The following PTN variants were observed in gnomAD, a reference collection of about 807,000 sequenced individuals.
PTN encodes pleiotrophin, also known as heparin affin regulatory protein.
A neutral mutation model predicts 24.1 loss-of-function variants in PTN; 18 were observed. The ratio of observed to expected loss-of-function variants is 0.75; its 90% CI spans 0.52 to 1.11. The LOEUF (loss-of-function observed/expected upper bound fraction) is 1.11, where lower values mean the gene tolerates loss of function less well. Ranked by LOEUF, PTN falls within the 50% of genes least tolerant of loss-of-function variation. PTN has a pLI of 0.00. For missense variants in PTN, 163 were observed against 198.8 expected (o/e 0.82, Z 1.08); for synonymous variants, 78 against 68.6 (o/e 1.14, Z -0.67).
chr7:137,307,698 T>G (rs938975623), intron 1 of PTN, among the ~76,000 whole-genome samples: 1 of 152,128 alleles, frequency 6.6e-6, no homozygotes, highest in African/African-American at 2.4e-5. Context: ...GTTTTCCGTA[T>G]GTAATATGGC....
chr7:137,317,734 A>G (rs1324204330), intron 1 of PTN, among the ~76,000 whole-genome samples: 1 of 152,170 alleles, frequency 6.6e-6, no homozygotes, highest in African/African-American at 2.4e-5. Context: ...ACAATACTGC[A>G]TTGTAGAGAA....
intron 1 of PTN, among the ~76,000 whole-genome samples, chr7:137,273,898 T>C (rs1809316641): frequency 6.6e-6 from 1 of 152,150 alleles, no homozygotes; most frequent in Admixed American, 6.5e-5. Flanking sequence ...GTGGTTATTG[T>C]CCTGGTTTGT....
At chr7:137,229,214 T>C (rs1210616856) in intron 4 of PTN, among the ~76,000 whole-genome samples, 1 of 151,796 alleles carries the variant, frequency 6.6e-6, no homozygotes, top group Non-Finnish European at 1.5e-5. Context: ...AGGGTGATAA[T>C]AGAGCAAGAA....
At chr7:137,342,030 T>G (rs1810542470) in intron 1 of PTN, among the ~76,000 whole-genome samples, 1 of 152,226 alleles carries the variant, frequency 6.6e-6, no homozygotes, top group South Asian at 2.1e-4. Context: ...GTGCATAATT[T>G]ACTTAAAAGG....
At chr7:137,243,138 T>C (rs1808661332) in intron 4 of PTN, among the ~76,000 whole-genome samples, 1 of 152,162 alleles carries the variant, frequency 6.6e-6, no homozygotes, top group Non-Finnish European at 1.5e-5. Context: ...GGTTTCACCA[T>C]GTTGGCCAGG....
chr7:137,266,458 T>C (rs2128873541), intron 1 of PTN, among the ~76,000 whole-genome samples: 1 of 152,148 alleles, frequency 6.6e-6, no homozygotes, highest in East Asian at 1.9e-4. Context: ...ATTTTTTGCA[T>C]AAATTTTTTT....
intron 1 of PTN, among the ~76,000 whole-genome samples, chr7:137,327,273 T>G (rs565701771): frequency 1.3e-5 from 2 of 152,326 alleles, no homozygotes; most frequent in South Asian, 4.1e-4. Flanking sequence ...CCTTCAGTGA[T>G]TCCTTACAAT....
chr7:137,243,450 T>C (rs907406329), intron 4 of PTN, among the ~76,000 whole-genome samples: 1 of 152,184 alleles, frequency 6.6e-6, no homozygotes, highest in South Asian at 2.1e-4. Flanking sequence ...CAATGCATCA[T>C]CTAGCCCCAC....
intron 4 of PTN, among the ~76,000 whole-genome samples, chr7:137,244,087 A>G (rs183088090): frequency 1.5e-4 from 23 of 152,262 alleles, no homozygotes; most frequent in African/African-American, 4.8e-4. Context: ...TAATTAATCT[A>G]TATTAATTAA....
intron 4 of PTN, among the ~76,000 whole-genome samples, chr7:137,238,807 T>C (rs1208584647): frequency 2.0e-5 from 3 of 152,180 alleles, no homozygotes; most frequent in Non-Finnish European, 4.4e-5. Flanking sequence ...GTATAATGCC[T>C]GTCATATCAT....
chr7:137,300,608 G>A (rs985105447), intron 1 of PTN, among the ~76,000 whole-genome samples: 2 of 151,880 alleles, frequency 1.3e-5, no homozygotes, highest in Non-Finnish European at 2.9e-5. Context: ...GACATGAGCA[G>A]ATATTAGCTA....
chr7:137,324,104 C>A (rs1476730468), intron 1 of PTN, among the ~76,000 whole-genome samples: 1 of 152,026 alleles, frequency 6.6e-6, no homozygotes, highest in Non-Finnish European at 1.5e-5. Flanking sequence ...TATATTCCAA[C>A]AAATTCTAGA....
At chr7:137,311,231 C>CA (rs35319700) in intron 1 of PTN, among the ~76,000 whole-genome samples, 2,203 of 101,558 alleles carry the variant, frequency 0.022, 69 homozygotes, top group African/African-American at 0.074. Flanking sequence ...GACTCCATTT[C>CA]AAAAAAAAAA....
At chr7:137,332,578 T>C (rs1259628666) in intron 1 of PTN, among the ~76,000 whole-genome samples, 1 of 152,194 alleles carries the variant, frequency 6.6e-6, no homozygotes, top group Non-Finnish European at 1.5e-5. Context: ...GATTTAAGCA[T>C]AGACACCGGT....
chr7:137,256,634 T>C (rs1347397463), intron 1 of PTN, among the ~76,000 whole-genome samples: 1 of 152,218 alleles, frequency 6.6e-6, no homozygotes, highest in Non-Finnish European at 1.5e-5. Flanking sequence ...TATGTGTGCC[T>C]GTGTCTTTAT....
At chr7:137,243,501 C>G (rs1360286736) in intron 4 of PTN, among the ~76,000 whole-genome samples, 1 of 152,186 alleles carries the variant, frequency 6.6e-6, no homozygotes, top group East Asian at 1.9e-4. Context: ...CCACCACATT[C>G]TGACATTCTT....
chr7:137,327,412 T>C (rs1172759972), intron 1 of PTN, among the ~76,000 whole-genome samples: 1 of 152,098 alleles, frequency 6.6e-6, no homozygotes, highest in African/African-American at 2.4e-5. Flanking sequence ...GCCCCTCTGT[T>C]TTCTGTCTCT....
intron 1 of PTN, among the ~76,000 whole-genome samples, chr7:137,305,412 C>A (rs1809871480): frequency 6.6e-6 from 1 of 152,056 alleles, no homozygotes; most frequent in South Asian, 2.1e-4. Flanking sequence ...GAAGCTGTTT[C>A]TATCACCTTT....
chr7:137,337,701 A>G (rs1223918114), intron 1 of PTN, among the ~76,000 whole-genome samples: 1 of 152,234 alleles, frequency 6.6e-6, no homozygotes, highest in African/African-American at 2.4e-5. Context: ...CAGCAAGCCT[A>G]TATGACATTT....
Sources: gnomAD v4.1 joint callset for allele counts (sites outside exome capture counted in the v4.1 genomes callset) on GRCh38, gnomAD v4.1.1 for gene constraint, MANE v1.5 for transcripts, NCBI Gene and HGNC (gene_info 2026-07-23, HGNC 2026-07-21) for gene names.